The following TINAG variants were observed in gnomAD, a reference collection of about 807,000 sequenced individuals.
The protein encoded by TINAG is tubulointerstitial nephritis antigen.
Under a neutral mutation model 72.7 loss-of-function variants are expected in TINAG, and 83 were observed. The observed-to-expected ratio is 1.14, with a 90% CI of 0.96 to 1.37. TINAG has a LOEUF of 1.37. Ranked by LOEUF, TINAG falls within the 40% of genes most tolerant of loss-of-function variation. The pLI, the probability that TINAG is intolerant of heterozygous loss-of-function variation, is 0.00. For missense variants in TINAG, 685 were observed against 576.6 expected (o/e 1.19, Z -1.93); for synonymous variants, 234 against 189.9 (o/e 1.23, Z -1.91).
chr6:54,353,321 G>A (rs1785310956), intron 8 of TINAG, among the ~76,000 whole-genome samples: 1 of 151,848 alleles, frequency 6.6e-6, no homozygotes, highest in African/African-American at 2.4e-5. Flanking sequence ...TTTTATAAAT[G>A]GATAGAATGC....
intron 9 of TINAG, among the ~76,000 whole-genome samples, chr6:54,378,553 T>C (rs1172558345): frequency 2.0e-5 from 3 of 152,188 alleles, no homozygotes; most frequent in African/African-American, 7.2e-5. Flanking sequence ...TAACAAAATA[T>C]GTAGAAACAT....
intron 1 of TINAG, among the ~76,000 whole-genome samples, chr6:54,315,272 A>T (rs981442880): frequency 3.3e-5 from 5 of 152,148 alleles, no homozygotes; most frequent in African/African-American, 1.2e-4. Context: ...GGATTAAAAA[A>T]GTAAATATAT....
intron 9 of TINAG, among the ~76,000 whole-genome samples, chr6:54,363,364 G>C (rs74744967): frequency 0.011 from 1,732 of 151,582 alleles, 35 homozygotes; most frequent in African/African-American, 0.04. Context: ...TGTATTGCAA[G>C]TAAAAGACAA....
chr6:54,367,342 C>T (rs1050077364), intron 9 of TINAG, among the ~76,000 whole-genome samples: 1 of 151,678 alleles, frequency 6.6e-6, no homozygotes, highest in African/African-American at 2.4e-5. Flanking sequence ...AGCTGAATAA[C>T]ATTTAAAAAG....
At chr6:54,354,214 TG>T (rs1276592739) in intron 8 of TINAG, among the ~76,000 whole-genome samples, 5 of 152,036 alleles carry the variant, frequency 3.3e-5, no homozygotes, top group Admixed American at 3.3e-4. Context: ...AAGTATAGTA[TG>T]CTTTTGTTGC....
chr6:54,323,680 G>A lies in TINAG; in HGVS notation c.509+2294G>A, dbSNP rs9474802. Among the ~76,000 whole-genome samples, 721 of 152,274 alleles carry A rather than the reference G, an allele frequency of 4.7e-3. 8 individuals carry two copies. Among genetic ancestry groups the A allele is most frequent in the African/African-American group, 0.016 (682 of 41,546 alleles). On this transcript the variant is annotated intron_variant, in intron 3 of 10. Coordinates refer to ENST00000259782, the MANE Select transcript of TINAG (RefSeq NM_014464.4). Reference sequence around the variant, plus strand: ...TACAAATAAATCATTTTGGCCTGGCGAAGTGGCTTATGCCTGTAATCCCAG... The same window carrying A: ...TACAAATAAATCATTTTGGCCTGGCAAAGTGGCTTATGCCTGTAATCCCAG...
intron 4 of TINAG, among the ~76,000 whole-genome samples, chr6:54,337,246 A>ATTTTTTTTT (rs34286210): frequency 1.1e-5 from 1 of 94,086 alleles, no homozygotes; most frequent in Non-Finnish European, 2.1e-5. Context: ...TGGGATTTGA[A>ATTTTTTTTT]TTTTTTTTTT....
chr6:54,317,893 C>T (rs1330791294), intron 1 of TINAG, among the ~76,000 whole-genome samples: 1 of 152,246 alleles, frequency 6.6e-6, no homozygotes, highest in East Asian at 1.9e-4. Context: ...ATTGGCAATT[C>T]CTACATTACC....
intron 7 of TINAG, 101 bp downstream of exon 7, chr6:54,349,997 T>C (rs1785226076): frequency 1.4e-6 from 1 of 712,056 alleles, no homozygotes; most frequent in Admixed American, 4.4e-5. Context: ...ACTATTATAT[T>C]CTAAAATAAA....
intron 4 of TINAG, among the ~76,000 whole-genome samples, chr6:54,337,246 A>ATTT (rs34286210): frequency 2.7e-4 from 25 of 94,072 alleles, no homozygotes; most frequent in South Asian, 3.8e-4. Flanking sequence ...TGGGATTTGA[A>ATTT]TTTTTTTTTT....
chr6:54,387,509 TA>T (rs1764130202), intron 10 of TINAG, among the ~76,000 whole-genome samples: 1 of 152,168 alleles, frequency 6.6e-6, no homozygotes, highest in South Asian at 2.1e-4. Context: ...TCCATTTTTG[TA>T]AAGATCAATT....
intron 3 of TINAG, among the ~76,000 whole-genome samples, chr6:54,325,513 A>G (rs185520219): frequency 2.7e-4 from 41 of 152,296 alleles, no homozygotes; most frequent in African/African-American, 9.9e-4. Flanking sequence ...CACGTGCACA[A>G]GCATCAACAC....
chr6:54,372,641 G>A (rs55868486), intron 9 of TINAG, among the ~76,000 whole-genome samples: 12,722 of 150,900 alleles, frequency 0.084, 954 homozygotes, highest in East Asian at 0.3. Flanking sequence ...CTATACATCT[G>A]TATATGCATG....
chr6:54,317,515 C>T (rs1011084155), intron 1 of TINAG, among the ~76,000 whole-genome samples: 1 of 152,120 alleles, frequency 6.6e-6, no homozygotes, highest in African/African-American at 2.4e-5. Flanking sequence ...TAAAATGTCT[C>T]TTTGCTCTTC....
intron 4 of TINAG, among the ~76,000 whole-genome samples, chr6:54,327,999 T>C (rs1484242117): frequency 1.3e-5 from 2 of 152,168 alleles, no homozygotes. Context: ...CCCATCTCCC[T>C]GAGACGGAGC....
Position 54,343,331 on chromosome 6 carries a change from T to A in TINAG, c.730T>A (p.Trp244Arg). Residue 244 changes from tryptophan to arginine, a missense_variant, in exon 5 of 11, where the codon TGG becomes AGG. Physicochemically the swap from Trp to Arg is moderately radical, Grantham distance 101 (BLOSUM62 -3). Coordinates refer to ENST00000259782, the MANE Select transcript of TINAG (RefSeq NM_014464.4). ...GGATCAAAAAAATTGTGCTGCATCC[T>A]GGGCATTTTCCACTGCAAGTAATAA... ...PLDQKNCAAS[W>R]AFSTASVAAD... is the part of the protein sequence containing the mutation. The A allele has an allele frequency of 6.4e-7, 1 of 1,554,304 alleles. No individual in the cohort carries two copies. The highest frequency in any genetic ancestry group is 2.3e-5 in the East Asian group (1 of 42,852).
At chr6:54,359,353 A>C (rs1281324978) in intron 9 of TINAG, among the ~76,000 whole-genome samples, 1 of 151,680 alleles carries the variant, frequency 6.6e-6, no homozygotes, top group Non-Finnish European at 1.5e-5. Flanking sequence ...TCTAGAAAAA[A>C]TTTTCTACCA....
chr6:54,329,739 C>A (rs1461865028), intron 4 of TINAG, among the ~76,000 whole-genome samples: 1 of 151,680 alleles, frequency 6.6e-6, no homozygotes, highest in African/African-American at 2.4e-5. Context: ...ATCTCACATG[C>A]AAAGATACAC....
chr6:54,363,344 G>C (rs1763297846), intron 9 of TINAG, among the ~76,000 whole-genome samples: 1 of 151,480 alleles, frequency 6.6e-6, no homozygotes, highest in Non-Finnish European at 1.5e-5. Flanking sequence ...GTGATATAGA[G>C]GCAAATTTCT....
Sources: allele counts gnomAD v4.1 joint callset (sites outside exome capture counted in the v4.1 genomes callset), GRCh38; gene constraint gnomAD v4.1.1; transcripts MANE v1.5; gene names NCBI Gene and HGNC (gene_info 2026-07-23, HGNC 2026-07-21).